Variants in SPTLC1 observed in about 807,000 individuals in gnomAD.
SPTLC1 encodes serine palmitoyltransferase 1.
SPTLC1 carries 55 observed loss-of-function variants against 68.9 expected under a neutral mutation model. The ratio of observed to expected loss-of-function variants is 0.80; its 90% CI spans 0.64 to 1.00. The LOEUF (loss-of-function observed/expected upper bound fraction) is 1.00, where lower values mean the gene tolerates loss of function less well. Among genes scored for constraint, SPTLC1 ranks in the 50% least tolerant of loss-of-function variants. The probability of loss-of-function intolerance (pLI) is 0.00; values close to 1 mark genes in which losing one functional copy is unlikely to be tolerated. For missense variants in SPTLC1, 449 were observed against 573.1 expected, an observed-to-expected ratio of 0.78 and a Z score of 2.21; for synonymous variants, 197 against 201.6, an observed-to-expected ratio of 0.98 and a Z score of 0.19.
At chr9:92,088,824 G>C (rs1835252876) in intron 3 of SPTLC1, among the ~76,000 whole-genome samples, 1 of 152,206 alleles carries the variant, frequency 6.6e-6, no homozygotes, top group African/African-American at 2.4e-5. Flanking sequence ...ATGCAGGCTA[G>C]CAGGAATAGG....
chr9:92,073,969 G>A (rs1426744327), intron 5 of SPTLC1, among the ~76,000 whole-genome samples: 1 of 152,214 alleles, frequency 6.6e-6, no homozygotes, highest in Non-Finnish European at 1.5e-5. Context: ...ATGCCCCTGT[G>A]TGGGCCCTCA....
chr9:92,102,350 G>C (rs2118791708), intron 3 of SPTLC1, among the ~76,000 whole-genome samples: 2 of 152,308 alleles, frequency 1.3e-5, no homozygotes, highest in Middle Eastern at 3.4e-3. Flanking sequence ...ACTGTTAAAA[G>C]TAAATTCATA....
chr9:92,102,941 TAG>T (rs1429093774), intron 3 of SPTLC1, among the ~76,000 whole-genome samples: 1 of 152,142 alleles, frequency 6.6e-6, no homozygotes, highest in Non-Finnish European at 1.5e-5. Flanking sequence ...TAAGAAAACC[TAG>T]AGTTATATTT....
intron 6 of SPTLC1, among the ~76,000 whole-genome samples, chr9:92,067,357 T>A (rs1323396610): frequency 6.6e-6 from 1 of 152,024 alleles, no homozygotes; most frequent in East Asian, 1.9e-4. Context: ...AGACCAAATT[T>A]TAGTCCACTC....
At chr9:92,087,256 C>A (rs576591177) in intron 3 of SPTLC1, among the ~76,000 whole-genome samples, 3 of 152,370 alleles carry the variant, frequency 2.0e-5, no homozygotes, top group Admixed American at 6.5e-5. Flanking sequence ...CAAAGTCATT[C>A]TCCATCCAGC....
intron 12 of SPTLC1, among the ~76,000 whole-genome samples, chr9:92,040,099 G>A (rs1833288803): frequency 6.6e-6 from 1 of 152,040 alleles, no homozygotes; most frequent in Non-Finnish European, 1.5e-5. Context: ...GTCAGGTGTG[G>A]TGCCTCACGC....
intron 5 of SPTLC1, among the ~76,000 whole-genome samples, chr9:92,072,248 G>A (rs1418449838): frequency 6.6e-6 from 1 of 152,056 alleles, no homozygotes; most frequent in Non-Finnish European, 1.5e-5. Context: ...ACCAGCCCCC[G>A]CGAACACTCC....
chr9:92,099,080 A>G (rs1835647993), intron 3 of SPTLC1, among the ~76,000 whole-genome samples: 2 of 152,256 alleles, frequency 1.3e-5, no homozygotes, highest in African/African-American at 2.4e-5. Flanking sequence ...GGCCCAACTA[A>G]TGAATAATAC....
chr9:92,093,555 C>T (rs1835439627), intron 3 of SPTLC1, among the ~76,000 whole-genome samples: 1 of 152,032 alleles, frequency 6.6e-6, no homozygotes, highest in African/African-American at 2.4e-5. Context: ...ACGAAATCAA[C>T]AAACCATTGG....
At chr9:92,075,827 A>T (rs1834664502) in intron 5 of SPTLC1, among the ~76,000 whole-genome samples, 2 of 152,164 alleles carry the variant, frequency 1.3e-5, no homozygotes, top group Non-Finnish European at 2.9e-5. Flanking sequence ...ACAGGACTTC[A>T]ACCCGGCCTC....
intron 2 of SPTLC1, chr9:92,109,583 T>A (rs1012672071): frequency 6.6e-6 from 1 of 152,290 alleles, no homozygotes; most frequent in African/African-American, 2.4e-5. Context: ...TCTGATGGAA[T>A]CTACAGCTCA....
intron 5 of SPTLC1, chr9:92,076,848 G>C (rs1429355039): frequency 6.6e-6 from 1 of 152,108 alleles, no homozygotes; most frequent in Non-Finnish European, 1.5e-5. Context: ...CTTTTCCCAC[G>C]GGGTCTGAAG....
chr9:92,038,174 T>A, intron 13 of SPTLC1, 74 bp downstream of exon 13: 3 of 1,015,170 alleles, frequency 3.0e-6, no homozygotes, highest in Non-Finnish European at 4.7e-6. Flanking sequence ...TTCTTAAAAA[T>A]TTAACATTAA....
At chr9:92,072,109 T>C (rs1456560972) in intron 5 of SPTLC1, among the ~76,000 whole-genome samples, 1 of 152,142 alleles carries the variant, frequency 6.6e-6, no homozygotes, top group Non-Finnish European at 1.5e-5. Flanking sequence ...AGGTTGTCTC[T>C]TCAATTGGAC....
At chr9:92,110,339 G>A (rs963180897) in intron 2 of SPTLC1, 2 of 152,074 alleles carry the variant, frequency 1.3e-5, no homozygotes, top group Non-Finnish European at 2.9e-5. Flanking sequence ...ATTCTTTCTA[G>A]TAGCCATCAC....
Position 92,105,256 on chromosome 9 carries a change from G to A in SPTLC1, c.260+3484C>T, listed in dbSNP as rs371602885. ...GGGAGAGAGATGAGGGGCCCCCACC[G>A]GCTAAGCTTCCATGTCTATCTCCTG... On this transcript the variant is annotated intron_variant, in intron 3 of 14. Coordinates refer to ENST00000262554, the MANE Select transcript of SPTLC1 (RefSeq NM_006415.4). 244 of 1,534,340 alleles carry A rather than the reference G, an allele frequency of 1.6e-4. No individual in the cohort carries two copies. The African/African-American group carries it at 1.6e-3, about 10-fold the overall frequency.
intron 6 of SPTLC1, 76 bp from the exon 7 acceptor site, chr9:92,059,384 G>C (rs56160856): frequency 0.055 from 82,008 of 1,481,096 alleles, 2,541 homozygotes; most frequent in Middle Eastern, 0.069. Context: ...GCTTGTTTTT[G>C]TAAGCTGACC....
At chr9:92,103,909 C>T (rs534139756) in intron 3 of SPTLC1, among the ~76,000 whole-genome samples, 50 of 152,348 alleles carry the variant, frequency 3.3e-4, no homozygotes, top group African/African-American at 1.2e-3. Context: ...AACAGCCCCA[C>T]AGGGGGGCCC....
At chr9:92,107,645 G>A (rs1836051129) in intron 3 of SPTLC1, among the ~76,000 whole-genome samples, 1 of 152,148 alleles carries the variant, frequency 6.6e-6, no homozygotes, top group Admixed American at 6.5e-5. Flanking sequence ...CCAGCTCCTC[G>A]GGAGGCTGAG....
Sources: gnomAD v4.1 joint callset for allele counts (sites outside exome capture counted in the v4.1 genomes callset) on GRCh38, gnomAD v4.1.1 for gene constraint, MANE v1.5 for transcripts, NCBI Gene and HGNC (gene_info 2026-07-23, HGNC 2026-07-21) for gene names.